The following GAK variants were observed in gnomAD, a reference collection of about 807,000 sequenced individuals.
GAK encodes cyclin G associated kinase.
GAK carries 79 observed loss-of-function variants against 143.9 expected under a neutral mutation model. The ratio of observed to expected loss-of-function variants is 0.55; its 90% CI spans 0.46 to 0.66. The LOEUF is 0.66. Among genes scored for constraint, GAK ranks in the 30% least tolerant of loss-of-function variants. GAK has a pLI of 0.00. For synonymous variants in GAK, 881 were observed against 765.5 expected, an observed-to-expected ratio of 1.15 and a Z score of -2.49; for missense variants, 1,693 against 1,779.7, an observed-to-expected ratio of 0.95 and a Z score of 0.88.
In GAK at chr4:893,732, C is replaced by A. The variant is rs975613892; in HGVS notation, c.877+142G>T. 1.5e-5 allele frequency: 16 copies of A among 1,070,956 alleles called. No individual in the cohort carries two copies. The South Asian group carries it at 2.5e-4, about 17-fold the overall frequency. 66.3% of individuals were successfully genotyped at this position (1,070,956 alleles called of 1,614,324 possible). A position where few individuals can be genotyped will look rare whatever the true frequency, so the allele number is the denominator to read the frequency against. On this transcript the variant is annotated intron_variant, in intron 8 of 27. Transcript: ENST00000314167. Reference sequence around the variant, plus strand: ...CAGGGGAGCTCTCTGGAAACCCCCCCCCCAGGGATGTTGTCAAAACTATGG... The same window carrying A: ...CAGGGGAGCTCTCTGGAAACCCCCCACCCAGGGATGTTGTCAAAACTATGG...
chr4:896,646 G>A (rs1011512665), intron 6 of GAK, 97 bp from the exon 7 acceptor site: 3 of 926,158 alleles, frequency 3.2e-6, no homozygotes, highest in South Asian at 2.8e-5. Context: ...ATGCACAGCA[G>A]ACTGAGGGGC....
rs1216651077 is a variant in GAK at position 854,040 on chromosome 4, C to T, written c.3284-2066G>A. 2.6e-5 allele frequency among the ~76,000 whole-genome samples: 4 copies of T among 151,932 alleles called. No homozygotes were observed. The East Asian group carries it at 5.8e-4, about 22-fold the overall frequency. On this transcript the variant is annotated intron_variant, in intron 24 of 27. Transcript: ENST00000314167. Reference sequence around the variant, plus strand: ...CGCGAACTCCCGACCTCAGGTGATCCGCCTGCCTCAGCCTCCCAAAGTGCT... The same window carrying T: ...CGCGAACTCCCGACCTCAGGTGATCTGCCTGCCTCAGCCTCCCAAAGTGCT...
intron 10 of GAK, 144 bp from the exon 11 acceptor site, chr4:889,114 C>T: frequency 1.8e-6 from 2 of 1,090,224 alleles, no homozygotes; most frequent in Non-Finnish European, 2.6e-6. Flanking sequence ...AGGTTGCTGG[C>T]TGGGCCCAGG....
intron 1 of GAK, among the ~76,000 whole-genome samples, chr4:918,685 A>C (rs7665653): frequency 0.56 from 85,767 of 152,190 alleles, 24,671 homozygotes; most frequent in South Asian, 0.67. Context: ...ATTAAACACA[A>C]AAAAAAGGAG....
chr4:849,834 A>ACTCC, intron 27 of GAK, 58 bp downstream of exon 27: 1 of 942,246 alleles, frequency 1.1e-6, no homozygotes, highest in Non-Finnish European at 1.6e-6. Flanking sequence ...GCGGGGCAGG[A>ACTCC]CCCCCCCCCC....
chr4:850,146 A>T, intron 26 of GAK, 78 bp from the exon 27 acceptor site: 1 of 1,373,508 alleles, frequency 7.3e-7, no homozygotes, highest in Non-Finnish European at 9.8e-7. Context: ...CTGAGGCACG[A>T]CGCTGAGGAA....
chr4:850,364 A>ATC (rs1340600498), intron 26 of GAK: 1 of 336,950 alleles, frequency 3.0e-6, no homozygotes, highest in Non-Finnish European at 5.4e-6. Context: ...CCCTTGGCCC[A>ATC]TCCCAGGCCC....
intron 4 of GAK, among the ~76,000 whole-genome samples, chr4:909,067 G>A (rs1251856349): frequency 6.6e-6 from 1 of 152,114 alleles, no homozygotes; most frequent in Non-Finnish European, 1.5e-5. Context: ...GGCTAGTCTC[G>A]AACTCCTCAC....
chr4:850,081 C>T lies in GAK; in HGVS notation c.3658-13G>A, dbSNP rs372990384. On this transcript the variant is annotated splice_polypyrimidine_tract_variant and intron_variant, in intron 26 of 27. Coordinates refer to ENST00000314167, the MANE Select transcript of GAK (RefSeq NM_005255.4). ...TCCAGTCCAGGAGCTGCGGGAGACA[C>T]GGAGCTTGCCGAGCCCTGGGCACCT... The T allele has an allele frequency of 1.5e-4, 233 of 1,551,014 alleles. No individual in the cohort carries two copies. The highest frequency in any genetic ancestry group is 5.9e-5 in the Non-Finnish European group (67 of 1,139,560).
At chr4:851,548 C>G (rs1469269949) in intron 25 of GAK, 2 of 609,496 alleles carry the variant, frequency 3.3e-6, no homozygotes, top group African/African-American at 1.9e-5. Context: ...AAGAAGGTGT[C>G]ACTGGAACAA....
In GAK at chr4:880,838, G is replaced by C. The variant is rs149788233; in HGVS notation, c.1661+1069C>G. Among the ~76,000 whole-genome samples the C allele has an allele frequency of 2.9e-3, 440 of 152,260 alleles. 2 individuals are homozygous for C. Among genetic ancestry groups the C allele is most frequent in the African/African-American group, 0.01 (421 of 41,538 alleles). ...CAAGGAAGGAGCTGTGGGATTTGGGGGTCATGGAAGCCCAGCCACATGCCA... is the reference window on the plus strand; with the variant it reads ...CAAGGAAGGAGCTGTGGGATTTGGGCGTCATGGAAGCCCAGCCACATGCCA... On this transcript the variant is annotated intron_variant, in intron 15 of 27. Transcript: ENST00000314167.
intron 1 of GAK, among the ~76,000 whole-genome samples, chr4:919,219 C>T (rs993026697): frequency 1.3e-5 from 2 of 150,850 alleles, no homozygotes; most frequent in African/African-American, 4.9e-5. Context: ...GGACAGAAGG[C>T]TCCAAAGGCC....
At chr4:870,673 C>G in intron 19 of GAK, 38 bp downstream of exon 19, 1 of 1,601,650 alleles carries the variant, frequency 6.2e-7, no homozygotes, top group Non-Finnish European at 8.5e-7. Context: ...AGACACTCAC[C>G]AGAACAGGGT....
intron 24 of GAK, among the ~76,000 whole-genome samples, chr4:857,971 G>A (rs184721475): frequency 2.6e-5 from 4 of 152,200 alleles, no homozygotes; most frequent in Non-Finnish European, 2.9e-5. Flanking sequence ...TCCACGCATC[G>A]TCTCCCTTGA....
At chr4:917,971 G>A (rs1448118264) in intron 1 of GAK, among the ~76,000 whole-genome samples, 2 of 152,322 alleles carry the variant, frequency 1.3e-5, no homozygotes, top group East Asian at 3.9e-4. Context: ...TCATTAGATA[G>A]AGGAGAAGGG....
chr4:897,947 A>T, intron 6 of GAK, 86 bp downstream of exon 6: 1 of 1,434,860 alleles, frequency 7.0e-7, no homozygotes, highest in Non-Finnish European at 9.3e-7. Flanking sequence ...GACTCAAAGC[A>T]CCCCGGCGGA....
At position 866,451 on chromosome 4, in the gene GAK, T is replaced by C. The variant is rs1751188738; in HGVS notation, c.2956A>G (p.Asn986Asp). 6.2e-7 allele frequency: 1 copy of C among 1,613,882 alleles called. No homozygotes were observed. Among genetic ancestry groups the C allele is most frequent in the African/African-American group, 1.3e-5 (1 of 74,864 alleles). Residue 986 changes from asparagine to aspartate, a missense_variant, in exon 22 of 28, where the codon AAT (asparagine) becomes GAT (aspartate). Transcript: ENST00000314167. ...GGTGGGACGGTCACAGAGTCCGAAT[T>C]GAGAAATTCGCCGAAGAGATCAGGA... ...SNPDLFGEFL[N>D]SDSVTVPPSF...
chr4:910,405 G>GT (rs1250742424), intron 4 of GAK, among the ~76,000 whole-genome samples: 1 of 135,754 alleles, frequency 7.4e-6, no homozygotes, highest in African/African-American at 2.8e-5. Context: ...ACTAAGTGCA[G>GT]TCCCCCCTCC....
intron 6 of GAK, among the ~76,000 whole-genome samples, chr4:897,746 A>C (rs986407122): frequency 6.6e-5 from 10 of 152,234 alleles, no homozygotes; most frequent in South Asian, 6.2e-4. Flanking sequence ...GTCAAGAGAT[A>C]GAGACCATCC....
Sources: allele counts gnomAD v4.1 joint callset (sites outside exome capture counted in the v4.1 genomes callset), GRCh38; gene constraint gnomAD v4.1.1; transcripts MANE v1.5; gene names NCBI Gene and HGNC (gene_info 2026-07-23, HGNC 2026-07-21).